PKNOX2: variants seen among roughly 807,000 people sequenced by gnomAD.
The protein encoded by PKNOX2 is PBX/knotted 1 homeobox 2.
In PKNOX2, 14 loss-of-function variants were observed where a neutral mutation model predicts 53.1. The ratio of observed to expected loss-of-function variants is 0.26; its 90% CI spans 0.17 to 0.41. PKNOX2 has a LOEUF of 0.41. Among genes scored for constraint, PKNOX2 ranks in the 10% least tolerant of loss-of-function variants. The pLI is 1.00. For synonymous variants in PKNOX2, 257 were observed against 242.8 expected, an observed-to-expected ratio of 1.06 and a Z score of -0.54; for missense variants, 496 against 602.8, an observed-to-expected ratio of 0.82 and a Z score of 1.85.
chr11:125,337,932 C>T (rs778763351), intron 3 of PKNOX2, among the ~76,000 whole-genome samples: 19 of 152,178 alleles, frequency 1.2e-4, no homozygotes, highest in Non-Finnish European at 2.5e-4. Flanking sequence ...AGGACCCTTC[C>T]ACCTCTGTTG....
At chr11:125,288,719 C>A (rs1178872730) in intron 2 of PKNOX2, among the ~76,000 whole-genome samples, 2 of 152,236 alleles carry the variant, frequency 1.3e-5, no homozygotes, top group Admixed American at 1.3e-4. Context: ...TGTGCACCAT[C>A]CCCAGCCTTG....
intron 1 of PKNOX2, among the ~76,000 whole-genome samples, chr11:125,227,350 G>A (rs1013842036): frequency 3.9e-5 from 6 of 152,210 alleles, no homozygotes; most frequent in South Asian, 2.1e-4. Flanking sequence ...CTGAAACTCC[G>A]TAGTCAGTAA....
At chr11:125,167,550 T>C (rs1253474737) in intron 1 of PKNOX2, among the ~76,000 whole-genome samples, 1 of 152,102 alleles carries the variant, frequency 6.6e-6, no homozygotes, top group Non-Finnish European at 1.5e-5. Context: ...GAGAGGCTGC[T>C]CAGAATAAGG....
chr11:125,198,099 G>A (rs912370897), intron 1 of PKNOX2, among the ~76,000 whole-genome samples: 10 of 152,250 alleles, frequency 6.6e-5, no homozygotes, highest in African/African-American at 2.4e-4. Flanking sequence ...CAGCAACACA[G>A]TCTGGGGTGG....
intron 1 of PKNOX2, among the ~76,000 whole-genome samples, chr11:125,228,176 G>A (rs909600246): frequency 2.0e-5 from 3 of 152,194 alleles, no homozygotes; most frequent in South Asian, 4.1e-4. Flanking sequence ...TGACAGAAAC[G>A]TGCTCCATCT....
intron 1 of PKNOX2, among the ~76,000 whole-genome samples, chr11:125,188,942 G>A (rs1377434214): frequency 3.9e-5 from 6 of 151,956 alleles, no homozygotes; most frequent in Non-Finnish European, 8.8e-5. Context: ...AAGTCCTGAG[G>A]TTTTCTGAGT....
intron 1 of PKNOX2, among the ~76,000 whole-genome samples, chr11:125,222,261 G>A (rs539554668): frequency 2.6e-5 from 4 of 152,098 alleles, no homozygotes; most frequent in African/African-American, 9.7e-5. Context: ...CTTCCAGTTG[G>A]GATTTTTTTC....
In PKNOX2 at chr11:125,183,264, C is replaced by A. The variant is rs1438707394; in HGVS notation, c.-201+18488C>A. Among the ~76,000 whole-genome samples the A allele has an allele frequency of 1.6e-4, 8 of 49,514 alleles. 2 individuals carry two copies. The highest frequency in any genetic ancestry group is 3.8e-4 in the African/African-American group (5 of 13,308). The allele number at this position is 49,514 out of a possible 152,430, so 32.5% of individuals were successfully genotyped here. A position where few individuals can be genotyped will look rare whatever the true frequency, so the allele number is the denominator to read the frequency against. ...TCACTCTGTCGCCCAGGTCGGACTG[C>A]GGACTGCAGTGGTGCAATCTCGGCT... is the stretch of plus-strand genomic sequence containing the variant. On this transcript the variant is annotated intron_variant, in intron 1 of 12. Coordinates refer to ENST00000298282, the MANE Select transcript of PKNOX2 (RefSeq NM_001382323.2).
intron 2 of PKNOX2, among the ~76,000 whole-genome samples, chr11:125,293,373 T>A (rs545320092): frequency 6.6e-6 from 1 of 152,322 alleles, no homozygotes; most frequent in South Asian, 2.1e-4. Flanking sequence ...TCTCCCTACC[T>A]CTGATTTCTT....
chr11:125,254,066 C>T (rs888337623), intron 2 of PKNOX2, among the ~76,000 whole-genome samples: 1 of 152,066 alleles, frequency 6.6e-6, no homozygotes, highest in Non-Finnish European at 1.5e-5. Context: ...GACTGAAGAG[C>T]GCGCACACCA....
At chr11:125,222,693 T>TGC (rs1941308645) in intron 1 of PKNOX2, among the ~76,000 whole-genome samples, 2 of 148,216 alleles carry the variant, frequency 1.3e-5, no homozygotes, top group Admixed American at 6.7e-5. Flanking sequence ...CGTATGTGTG[T>TGC]GTATGTGTGT....
At chr11:125,387,821 G>C (rs537870184) in intron 6 of PKNOX2, among the ~76,000 whole-genome samples, 1 of 152,268 alleles carries the variant, frequency 6.6e-6, no homozygotes, top group Admixed American at 6.5e-5. Context: ...TGATTGACTG[G>C]CTGATTATGT....
intron 5 of PKNOX2, among the ~76,000 whole-genome samples, chr11:125,385,348 C>T (rs940058582): frequency 1.3e-5 from 2 of 152,168 alleles, no homozygotes; most frequent in East Asian, 3.8e-4. Flanking sequence ...CTCTTAAGCC[C>T]AGAAGCTGGA....
intron 7 of PKNOX2, among the ~76,000 whole-genome samples, chr11:125,409,662 C>T (rs546578747): frequency 2.6e-5 from 4 of 152,084 alleles, no homozygotes; most frequent in East Asian, 1.9e-4. Flanking sequence ...GGAGAGCAGC[C>T]GGGGGACGGG....
chr11:125,290,245 AC>A (rs1947224025), intron 2 of PKNOX2, among the ~76,000 whole-genome samples: 1 of 152,142 alleles, frequency 6.6e-6, no homozygotes, highest in African/African-American at 2.4e-5. Context: ...CTAATTGGCT[AC>A]CCCTCCCAAA....
chr11:125,350,603 G>GC (rs1199507024), intron 3 of PKNOX2, among the ~76,000 whole-genome samples: 1 of 152,160 alleles, frequency 6.6e-6, no homozygotes, highest in Admixed American at 6.5e-5. Context: ...CTGTGGACAC[G>GC]CCCATAGTCA....
chr11:125,286,739 A>T (rs1156334384), intron 2 of PKNOX2, among the ~76,000 whole-genome samples: 1 of 152,200 alleles, frequency 6.6e-6, no homozygotes, highest in Non-Finnish European at 1.5e-5. Context: ...TTCATTGTGA[A>T]TCTGGGCTTG....
intron 1 of PKNOX2, among the ~76,000 whole-genome samples, chr11:125,212,269 A>C (rs997099706): frequency 6.6e-6 from 1 of 151,908 alleles, no homozygotes; most frequent in African/African-American, 2.4e-5. Context: ...AACGAGGTAG[A>C]GGGGAGCATT....
At chr11:125,429,231 G>T in intron 11 of PKNOX2, 143 bp downstream of exon 11, 1 of 799,482 alleles carries the variant, frequency 1.3e-6, no homozygotes, top group Non-Finnish European at 2.0e-6. Context: ...CCCCATTTAG[G>T]CTAGAAGCAG....
Sources: allele counts gnomAD v4.1 joint callset (sites outside exome capture counted in the v4.1 genomes callset), GRCh38; gene constraint gnomAD v4.1.1; transcripts MANE v1.5; gene names NCBI Gene and HGNC (gene_info 2026-07-23, HGNC 2026-07-21).